Variants in FAM149B1 observed in about 807,000 individuals in gnomAD.
FAM149B1 encodes family with sequence similarity 149 member B1, also known as primary cilium assembly protein FAM149B1.
A neutral mutation model predicts 75.3 loss-of-function variants in FAM149B1; 56 were observed. That is an observed-to-expected ratio of 0.74 (90% CI 0.60 to 0.93). The LOEUF (loss-of-function observed/expected upper bound fraction) is 0.93, where lower values mean the gene tolerates loss of function less well. FAM149B1 is among the 40% of genes least tolerant of loss of function. The probability of loss-of-function intolerance (pLI) is 0.00; values close to 1 mark genes in which losing one functional copy is unlikely to be tolerated. For missense variants in FAM149B1, 639 were observed against 708.4 expected (o/e 0.90, Z 1.11); for synonymous variants, 259 against 256.1 (o/e 1.01, Z -0.11).
intron 12 of FAM149B1, among the ~76,000 whole-genome samples, chr10:73,237,151 C>T (rs2043840522): frequency 6.6e-6 from 1 of 152,136 alleles, no homozygotes. Flanking sequence ...CTGCAAAGAC[C>T]CTATTTCCAA....
At chr10:73,228,009 C>T in intron 7 of FAM149B1, 51 bp from the exon 8 acceptor site, 1 of 1,525,062 alleles carries the variant, frequency 6.6e-7, no homozygotes, top group Non-Finnish European at 8.9e-7. Context: ...AATACTGTTG[C>T]TGTGGGCCAG....
chr10:73,240,526 C>A (rs1371347540), intron 13 of FAM149B1, among the ~76,000 whole-genome samples: 1 of 152,122 alleles, frequency 6.6e-6, no homozygotes, highest in Non-Finnish European at 1.5e-5. Context: ...TCCTGGCTAA[C>A]ATGGTGAAAC....
chr10:73,236,709 G>C (rs2043829891), intron 12 of FAM149B1, among the ~76,000 whole-genome samples: 1 of 149,524 alleles, frequency 6.7e-6, no homozygotes, highest in Admixed American at 6.7e-5. Flanking sequence ...ACTGTACCCG[G>C]CCTTTTTTTT....
In FAM149B1 at chr10:73,234,852, C is replaced by T. The variant is rs766353650; in HGVS notation, c.1388C>T (p.Pro463Leu). Residue 463 changes from proline (P) to leucine (L), a missense_variant, in exon 11 of 14, where the codon CCG (proline) becomes CTG (leucine). Coordinates refer to ENST00000242505, the MANE Select transcript of FAM149B1 (RefSeq NM_173348.2). ...CCCGACTCGCTCTCCTCTCCCTCAC[C>T]GACGCCCCTGAGTCGAAATAATCTG... ...VAPDSLSSPS[P>L]TPLSRNNLLP... is the part of the protein sequence containing the mutation. 28 of 1,551,512 alleles carry T rather than the reference C, an allele frequency of 1.8e-5. No individual in the cohort carries two copies. Among genetic ancestry groups the T allele is most frequent in the African/African-American group, 1.2e-4 (9 of 73,016 alleles).
intron 3 of FAM149B1, among the ~76,000 whole-genome samples, chr10:73,185,596 C>G (rs891363878): frequency 1.3e-5 from 2 of 152,006 alleles, no homozygotes; most frequent in Non-Finnish European, 1.5e-5. Context: ...GGCACAGATG[C>G]GCTAGTAAAC....
At position 73,241,845 on chromosome 10, in the gene FAM149B1, C is replaced by A. The variant is rs1019784044; in HGVS notation, c.*826C>A. 1 of 152,186 alleles carries A rather than the reference C, an allele frequency of 6.6e-6. No individual in the cohort carries two copies. Among genetic ancestry groups the A allele is most frequent in the Non-Finnish European group, 1.5e-5 (1 of 68,042 alleles). The allele number at this position is 152,186 out of a possible 1,614,324, so 9.4% of individuals were successfully genotyped here. A position where few individuals can be genotyped will look rare whatever the true frequency, so the allele number is the denominator to read the frequency against. ...TATAATTCCCTAAAAGTTTAAGAAA[C>A]CCTGGCAATTAATTCAGCATAAACA... On this transcript the variant is annotated 3_prime_UTR_variant, in exon 14 of 14. Coordinates refer to ENST00000242505, the MANE Select transcript of FAM149B1 (RefSeq NM_173348.2).
At chr10:73,213,413 A>G (rs577285830) in intron 7 of FAM149B1, among the ~76,000 whole-genome samples, 3 of 152,284 alleles carry the variant, frequency 2.0e-5, no homozygotes, top group African/African-American at 7.2e-5. Context: ...GACAATGTCC[A>G]GAAGACTTTT....
chr10:73,194,546 C>T (rs959242740), intron 5 of FAM149B1, among the ~76,000 whole-genome samples: 1 of 151,922 alleles, frequency 6.6e-6, no homozygotes, highest in African/African-American at 2.4e-5. Context: ...GTGTGTGCCA[C>T]CATGCCCGGG....
intron 3 of FAM149B1, among the ~76,000 whole-genome samples, chr10:73,190,392 C>T (rs2042652798): frequency 6.6e-6 from 1 of 151,842 alleles, no homozygotes; most frequent in Non-Finnish European, 1.5e-5. Context: ...TAGCCTCAAA[C>T]TCTCGGGCTC....
chr10:73,179,331 C>T (rs2042339439), intron 3 of FAM149B1, among the ~76,000 whole-genome samples: 1 of 152,178 alleles, frequency 6.6e-6, no homozygotes, highest in Non-Finnish European at 1.5e-5. Flanking sequence ...ATGATGTACA[C>T]ATAATATTAT....
At chr10:73,198,800 C>T (rs2042866021) in intron 5 of FAM149B1, among the ~76,000 whole-genome samples, 1 of 152,046 alleles carries the variant, frequency 6.6e-6, no homozygotes, top group Non-Finnish European at 1.5e-5. Flanking sequence ...AGTGAAACTC[C>T]ATCTCAAAAA....
At chr10:73,227,358 T>TA (rs2043575920) in intron 7 of FAM149B1, among the ~76,000 whole-genome samples, 1 of 152,168 alleles carries the variant, frequency 6.6e-6, no homozygotes, top group African/African-American at 2.4e-5. Context: ...GTGCCGGGAT[T>TA]ACAGATGTCA....
chr10:73,202,391 G>A (rs12765612), intron 5 of FAM149B1, among the ~76,000 whole-genome samples: 1 of 151,702 alleles, frequency 6.6e-6, no homozygotes, highest in African/African-American at 2.4e-5. Flanking sequence ...TTGGTTATAA[G>A]TGGAATAATA....
At chr10:73,199,799 G>C (rs984627677) in intron 5 of FAM149B1, 1 of 156,000 alleles carries the variant, frequency 6.4e-6, no homozygotes, top group African/African-American at 2.4e-5. Context: ...CAGCTTTTCA[G>C]TCGGGTGCTA....
At position 73,241,652 on chromosome 10, in the gene FAM149B1, C is replaced by G. The variant is rs1340159382; in HGVS notation, c.*633C>G. 2 of 152,312 alleles carry G rather than the reference C, an allele frequency of 1.3e-5. No individual in the cohort carries two copies. The highest frequency in any genetic ancestry group is 2.9e-5 in the Non-Finnish European group (2 of 68,144). 9.4% of individuals were successfully genotyped at this position (152,312 alleles called of 1,614,324 possible). A position where few individuals can be genotyped will look rare whatever the true frequency, so the allele number is the denominator to read the frequency against. On this transcript the variant is annotated 3_prime_UTR_variant, in exon 14 of 14. Transcript: ENST00000242505. ...TTTCAGATAGGACAGCTCAACCTTACGATGCCTACCTGATGCCAGGTGATG... is the reference window on the plus strand; with the variant it reads ...TTTCAGATAGGACAGCTCAACCTTAGGATGCCTACCTGATGCCAGGTGATG...
At position 73,244,401 on chromosome 10, in the gene FAM149B1, G is replaced by GGAGGC. The variant is rs2043984758; in HGVS notation, c.*3382_*3383insGAGGC. The GGAGGC allele has an allele frequency of 6.5e-6, 1 of 153,360 alleles. No homozygotes were observed. The highest frequency in any genetic ancestry group is 6.5e-5 in the Admixed American group (1 of 15,350). The allele number at this position is 153,360 out of a possible 1,614,324, so 9.5% of individuals were successfully genotyped here. On this transcript the variant is annotated 3_prime_UTR_variant, in exon 14 of 14. Coordinates refer to ENST00000242505, the MANE Select transcript of FAM149B1 (RefSeq NM_173348.2). ...AGTCCCAGCTACTAGGGAGGCTGAG[G>GGAGGC]TGGGAAGATGGCTTCAGTCTGAGAG...
rs918868248 is a variant in FAM149B1 at position 73,232,925 on chromosome 10, G to C, written c.1128-14G>C. Reference sequence around the variant, plus strand: ...GATCTTTACTTCATTGTGGGTTTCTGATTTGGCTACTAGAGATCTTGATGA... The same window carrying C: ...GATCTTTACTTCATTGTGGGTTTCTCATTTGGCTACTAGAGATCTTGATGA... On this transcript the variant is annotated splice_polypyrimidine_tract_variant and intron_variant, in intron 9 of 13. Coordinates refer to ENST00000242505, the MANE Select transcript of FAM149B1 (RefSeq NM_173348.2). 2.7e-6 allele frequency: 4 copies of C among 1,465,180 alleles called. No individual in the cohort carries two copies. The highest frequency in any genetic ancestry group is 3.7e-6 in the Non-Finnish European group (4 of 1,067,828). 90.8% of individuals were successfully genotyped at this position (1,465,180 alleles called of 1,614,324 possible).
intron 5 of FAM149B1, among the ~76,000 whole-genome samples, chr10:73,197,845 T>C (rs2042844690): frequency 6.6e-6 from 1 of 152,060 alleles, no homozygotes. Context: ...AAAAGGATCC[T>C]GAAGAGATGA....
At chr10:73,240,778 C>T (rs1423484914) in intron 13 of FAM149B1, among the ~76,000 whole-genome samples, 168 bp from the exon 14 acceptor site, 1 of 151,434 alleles carries the variant, frequency 6.6e-6, no homozygotes, top group Non-Finnish European at 1.5e-5. Context: ...GTAAATCAGA[C>T]ATCTTGCTTC....
Sources: gnomAD v4.1 joint callset for allele counts (sites outside exome capture counted in the v4.1 genomes callset) on GRCh38, gnomAD v4.1.1 for gene constraint, MANE v1.5 for transcripts, NCBI Gene and HGNC (gene_info 2026-07-23, HGNC 2026-07-21) for gene names.